TAFA5: variants seen among roughly 807,000 people sequenced by gnomAD.
TAFA5 encodes the protein chemokine-like protein TAFA-5.
In TAFA5, 6 loss-of-function variants were observed where a neutral mutation model predicts 15.3. The ratio of observed to expected loss-of-function variants is 0.39; its 90% CI spans 0.21 to 0.77. The LOEUF (loss-of-function observed/expected upper bound fraction) is 0.77, where lower values mean the gene tolerates loss of function less well. Ranked by LOEUF, TAFA5 falls within the 30% of genes least tolerant of loss-of-function variation. TAFA5 has a pLI of 0.41. For synonymous variants in TAFA5, 103 were observed against 80.7 expected (o/e 1.28, Z -1.48); for missense variants, 161 against 193.1 (o/e 0.83, Z 0.98).
intron 1 of TAFA5, among the ~76,000 whole-genome samples, chr22:48,612,282 A>G (rs1925437223): frequency 6.6e-6 from 1 of 152,190 alleles, no homozygotes; most frequent in Non-Finnish European, 1.5e-5. Flanking sequence ...CCCGCAGCAC[A>G]GGGCGGCTCA....
chr22:48,660,645 C>T (rs6010567), intron 2 of TAFA5, among the ~76,000 whole-genome samples: 69,501 of 151,930 alleles, frequency 0.46, 16,233 homozygotes, highest in South Asian at 0.61. Context: ...CTCAGCACCT[C>T]GTGGAGGCAG....
At chr22:48,735,464 G>T (rs79830022) in intron 3 of TAFA5, among the ~76,000 whole-genome samples, 9,129 of 152,228 alleles carry the variant, frequency 0.06, 770 homozygotes, top group African/African-American at 0.19. Flanking sequence ...AAATGACAGA[G>T]ACAGTCACTG....
intron 1 of TAFA5, among the ~76,000 whole-genome samples, chr22:48,561,308 G>A (rs539994046): frequency 1.3e-5 from 2 of 152,130 alleles, no homozygotes; most frequent in African/African-American, 4.8e-5. Flanking sequence ...AGGGATAGCC[G>A]AGTCCCCTGG....
intron 1 of TAFA5, among the ~76,000 whole-genome samples, chr22:48,601,565 G>A (rs552528455): frequency 3.3e-5 from 5 of 152,246 alleles, no homozygotes; most frequent in Admixed American, 1.3e-4. Flanking sequence ...GACCTCAGGC[G>A]ATCCTCCCAC....
chr22:48,632,240 T>C (rs1266687960), intron 1 of TAFA5, among the ~76,000 whole-genome samples: 5 of 152,122 alleles, frequency 3.3e-5, no homozygotes, highest in Non-Finnish European at 7.4e-5. Flanking sequence ...CCACCTACCA[T>C]GGGCCTGCCT....
intron 1 of TAFA5, among the ~76,000 whole-genome samples, chr22:48,494,531 C>T (rs1012242463): frequency 5.9e-5 from 9 of 152,128 alleles, no homozygotes; most frequent in Non-Finnish European, 1.2e-4. Flanking sequence ...GTGTCAGGGG[C>T]CTGTGTTGGT....
At chr22:48,728,297 T>G (rs1479714895) in intron 3 of TAFA5, among the ~76,000 whole-genome samples, 1 of 152,232 alleles carries the variant, frequency 6.6e-6, no homozygotes, top group Non-Finnish European at 1.5e-5. Context: ...TAACCAGGAC[T>G]TTCTTATAAT....
At chr22:48,588,011 C>T (rs531948857) in intron 1 of TAFA5, among the ~76,000 whole-genome samples, 34 of 152,336 alleles carry the variant, frequency 2.2e-4, no homozygotes, top group Admixed American at 2.0e-3. Context: ...GCAGGCAGGC[C>T]CGGGTTATCC....
chr22:48,598,058 T>G lies in TAFA5; in HGVS notation c.113-48539T>G, dbSNP rs958901062. On this transcript the variant is annotated intron_variant, in intron 1 of 3. Coordinates refer to ENST00000402357, the MANE Select transcript of TAFA5 (RefSeq NM_001082967.3). This position sits in a 1 kb window ranked among gnomAD's most constrained non-coding sequence, Gnocchi z 4.0. ...AGGTTTCCCTTTTTAAAAATAAGCT[T>G]CTGCAGTTTCAGAGGCTGTCAGTAT... Among the ~76,000 whole-genome samples the G allele has an allele frequency of 1.3e-4, 20 of 152,112 alleles. No individual in the cohort carries two copies. Among genetic ancestry groups the G allele is most frequent in the Non-Finnish European group, 2.2e-4 (15 of 68,032 alleles).
Position 48,530,343 on chromosome 22 carries a change from C to G in TAFA5, c.112+40639C>G, listed in dbSNP as rs1004650043. On this transcript the variant is annotated intron_variant, in intron 1 of 3. Transcript: ENST00000402357. This position sits in a 1 kb window ranked among gnomAD's most constrained non-coding sequence, Gnocchi z 6.0. ...CTGAGAAAACACAGAGTGAAGGAAC[C>G]TCTGGAGGGCACAGGGGCCATCACC... 7.2e-5 allele frequency among the ~76,000 whole-genome samples: 11 copies of G among 152,182 alleles called. No individual in the cohort carries two copies. Among genetic ancestry groups the G allele is most frequent in the Non-Finnish European group, 1.3e-4 (9 of 68,034 alleles).
intron 1 of TAFA5, among the ~76,000 whole-genome samples, chr22:48,618,951 G>C (rs191362661): frequency 2.9e-3 from 444 of 152,326 alleles, no homozygotes; most frequent in Non-Finnish European, 4.3e-3. Context: ...GAAGACCTCA[G>C]AGACCCAGGG....
chr22:48,560,403 T>C lies in TAFA5; in HGVS notation c.112+70699T>C, dbSNP rs191450196. On this transcript the variant is annotated intron_variant, in intron 1 of 3. Coordinates refer to ENST00000402357, the MANE Select transcript of TAFA5 (RefSeq NM_001082967.3). This position sits in a 1 kb window ranked among gnomAD's most constrained non-coding sequence, Gnocchi z 4.2. ...CAATCCCTGGAGACCACACGTGGGA[T>C]GCCAGGAGCACCAAGGGTGCAGGTA... Among the ~76,000 whole-genome samples, 3 of 152,122 alleles carry C rather than the reference T, an allele frequency of 2.0e-5. No homozygotes were observed. The highest frequency in any genetic ancestry group is 2.0e-4 in the Admixed American group (3 of 15,284).
In TAFA5 at chr22:48,618,116, G is replaced by A. The variant is rs28733513; in HGVS notation, c.113-28481G>A. Among the ~76,000 whole-genome samples the A allele has an allele frequency of 4.9e-3, 746 of 152,330 alleles. 9 individuals carry two copies. The highest frequency in any genetic ancestry group is 0.017 in the African/African-American group (705 of 41,564). On this transcript the variant is annotated intron_variant, in intron 1 of 3. Coordinates refer to ENST00000402357, the MANE Select transcript of TAFA5 (RefSeq NM_001082967.3). The stretch of plus-strand genomic sequence containing the variant: ...GCACTGGGGTTTCTGATTTTAGAGA[G>A]GTTGTTTCTGCACTCTTTCAGGATT...
chr22:48,593,822 C>T (rs77278736), intron 1 of TAFA5, among the ~76,000 whole-genome samples: 1,580 of 152,212 alleles, frequency 0.01, 34 homozygotes, highest in African/African-American at 0.036. Context: ...CAAGTCCTGC[C>T]GCCCTCCTGC....
At chr22:48,644,388 T>C (rs1342759601) in intron 1 of TAFA5, among the ~76,000 whole-genome samples, 2 of 152,204 alleles carry the variant, frequency 1.3e-5, no homozygotes, top group Non-Finnish European at 1.5e-5. Flanking sequence ...CAGGCCCTTA[T>C]GCACTGGGCT....
At chr22:48,672,015 T>C (rs1371113035) in intron 2 of TAFA5, among the ~76,000 whole-genome samples, 2 of 152,214 alleles carry the variant, frequency 1.3e-5, no homozygotes, top group African/African-American at 2.4e-5. Context: ...GTTTTCTGGT[T>C]TGTAAAGGGT....
intron 1 of TAFA5, among the ~76,000 whole-genome samples, chr22:48,520,154 A>C (rs1343341283): frequency 1.3e-5 from 2 of 152,320 alleles, no homozygotes; most frequent in East Asian, 3.9e-4. Flanking sequence ...GCTGGAGGCC[A>C]CATGTTTCCC....
At chr22:48,677,456 G>T (rs545073224) in intron 2 of TAFA5, among the ~76,000 whole-genome samples, 1 of 152,338 alleles carries the variant, frequency 6.6e-6, no homozygotes, top group South Asian at 2.1e-4. Context: ...ACCTTCCCGT[G>T]TTCTTGAGGG....
chr22:48,698,066 A>ATGG (rs143349918), intron 2 of TAFA5, among the ~76,000 whole-genome samples: 38 of 146,102 alleles, frequency 2.6e-4, no homozygotes, highest in African/African-American at 8.9e-4. Flanking sequence ...TGATGTCATA[A>ATGG]TGATGGTGAT....
Sources: gnomAD v4.1 joint callset for allele counts (sites outside exome capture counted in the v4.1 genomes callset) on GRCh38, gnomAD v4.1.1 for gene constraint, Gnocchi (gnomAD v3.1) non-coding constraint, MANE v1.5 for transcripts, NCBI Gene and HGNC (gene_info 2026-07-23, HGNC 2026-07-21) for gene names.